Variants in SLC37A2 observed in about 807,000 individuals in gnomAD.
SLC37A2 encodes glucose-6-phosphate exchanger SLC37A2.
Under a neutral mutation model 70.7 loss-of-function variants are expected in SLC37A2, and 59 were observed. The observed-to-expected ratio is 0.83, with a 90% confidence interval of 0.68 to 1.04. The LOEUF is 1.04. Ranked by LOEUF, SLC37A2 falls within the 50% of genes least tolerant of loss-of-function variation. The pLI, the probability that SLC37A2 is intolerant of heterozygous loss-of-function variation, is 0.00. For synonymous variants in SLC37A2, 257 were observed against 262.1 expected, an observed-to-expected ratio of 0.98 and a Z score of 0.19; for missense variants, 580 against 658.1, an observed-to-expected ratio of 0.88 and a Z score of 1.30.
In SLC37A2 at chr11:125,083,298, G is replaced by A. The variant is rs1949169439; in HGVS notation, c.977-517G>A. On this transcript the variant is annotated intron_variant, in intron 10 of 17. Transcript: ENST00000403796. The surrounding 1 kb of genome is among the most constrained non-coding windows in gnomAD (Gnocchi z 4.6). ...TGACTTCAGAGTATGAGGCACCCTC[G>A]AGGGTGGGGCTACAATCTCAGCTTC... 1.3e-5 allele frequency: 2 copies of A among 153,022 alleles called. No individual in the cohort carries two copies. The highest frequency in any genetic ancestry group is 6.5e-5 in the Admixed American group (1 of 15,374). The allele number at this position is 153,022 out of a possible 1,614,324, so 9.5% of individuals were successfully genotyped here.
At position 125,082,265 on chromosome 11, in the gene SLC37A2, T is replaced by C; in HGVS notation, c.907T>C (p.Cys303Arg). 6.2e-7 allele frequency: 1 copy of C among 1,613,976 alleles called. No homozygotes were observed. Among genetic ancestry groups the C allele is most frequent in the Non-Finnish European group, 8.5e-7 (1 of 1,179,928 alleles). The change falls in exon 10 of 18, where the codon TGT becomes CGT. Residue 303 changes from cysteine (C) to arginine (R), a missense_variant. Transcript: ENST00000403796. ...RIPGVVEFSL[C>R]LLFAKLVSYT... Reference sequence around the variant, plus strand: ...CCAGGGCGTGGTCGAGTTCTCTCTGTGTCTGCTGTTTGCCAAGCTGGTCAG... The same window carrying C: ...CCAGGGCGTGGTCGAGTTCTCTCTGCGTCTGCTGTTTGCCAAGCTGGTCAG...
At chr11:125,079,345 C>T (rs567638160) in intron 5 of SLC37A2, 98 bp downstream of exon 5, 2 of 1,489,782 alleles carry the variant, frequency 1.3e-6, no homozygotes, top group South Asian at 2.3e-5. Context: ...GTTCCTGGCT[C>T]CCTGTCCAGT....
At position 125,081,697 on chromosome 11, in the gene SLC37A2, G is replaced by A. The variant is rs761008517; in HGVS notation, c.733-57G>A. 762 of 1,516,772 alleles carry A rather than the reference G, an allele frequency of 5.0e-4. 1 individual carries two copies. Among genetic ancestry groups the A allele is most frequent in the Non-Finnish European group, 6.2e-4 (702 of 1,130,756 alleles). 94.0% of individuals were successfully genotyped at this position (1,516,772 alleles called of 1,614,324 possible). A position where few individuals can be genotyped will look rare whatever the true frequency, so the allele number is the denominator to read the frequency against. ...GTCTCTTGCCTGGGCTGCACCTTCA[G>A]CTGGTGGGAGGCAGCACATGGACGC... On this transcript the variant is annotated intron_variant, in intron 8 of 17. Coordinates refer to ENST00000403796, the MANE Select transcript of SLC37A2 (RefSeq NM_001145290.2).
At chr11:125,066,944 G>A (rs552303630) in intron 1 of SLC37A2, among the ~76,000 whole-genome samples, 17 of 149,146 alleles carry the variant, frequency 1.1e-4, no homozygotes, top group African/African-American at 4.4e-4. Flanking sequence ...ATTAAAGAAG[G>A]AAAGTTGCAG....
At chr11:125,070,942 A>G (rs778975048) in intron 1 of SLC37A2, among the ~76,000 whole-genome samples, 1 of 152,202 alleles carries the variant, frequency 6.6e-6, no homozygotes, top group Non-Finnish European at 1.5e-5. Flanking sequence ...AGGTAGCAGC[A>G]AGGTTTCGAA....
rs1445904793 is a variant in SLC37A2 at position 125,079,773 on chromosome 11, A to G, written c.527+13A>G. The G allele has an allele frequency of 6.3e-7, 1 of 1,596,636 alleles. No individual in the cohort carries two copies. Among genetic ancestry groups the G allele is most frequent in the Non-Finnish European group, 8.6e-7 (1 of 1,168,308 alleles). On this transcript the variant is annotated intron_variant, in intron 6 of 17. Coordinates refer to ENST00000403796, the MANE Select transcript of SLC37A2 (RefSeq NM_001145290.2). ...TCGGGAAGGGGAAGTGAGTGTAACAAGGGAGGAGGAGTGGGAAGGATTGGG... is the reference window on the plus strand; with the variant it reads ...TCGGGAAGGGGAAGTGAGTGTAACAGGGGAGGAGGAGTGGGAAGGATTGGG...
chr11:125,082,449 T>C (rs1949161234), intron 10 of SLC37A2, 115 bp downstream of exon 10: 10 of 883,208 alleles, frequency 1.1e-5, no homozygotes, highest in South Asian at 9.5e-5. Context: ...GCAGAATTCC[T>C]GCTGAACCTC....
At position 125,079,135 on chromosome 11, in the gene SLC37A2, C is replaced by T. The variant is rs573542470; in HGVS notation, c.338C>T (p.Pro113Leu). ...AGTGGGGTTTTTGGGGAGCGGCTTCCGCTCCGTTACTACCTCTCAGCTGGA... is the reference window on the plus strand; with the variant it reads ...AGTGGGGTTTTTGGGGAGCGGCTTCTGCTCCGTTACTACCTCTCAGCTGGA... Reference protein sequence around the residue: ...FISGVFGERLPLRYYLSAGML... With the variant: ...FISGVFGERLLLRYYLSAGML... Residue 113 changes from proline to leucine, a missense_variant, in exon 5 of 18, where the codon CCG becomes CTG. Physicochemically the swap from Pro to Leu is moderately conservative, Grantham distance 98. Transcript: ENST00000403796. The T allele has an allele frequency of 3.4e-5, 55 of 1,614,214 alleles. No homozygotes were observed. Among genetic ancestry groups the T allele is most frequent in the South Asian group, 2.3e-4 (21 of 91,086 alleles).
chr11:125,080,716 G>A lies in SLC37A2; in HGVS notation c.630G>A (p.Ser210=), dbSNP rs372446727. ...GIWVNGQWGL[S]FIVPGIITAV... ...GGGTGAACGGGCAGTGGGGCCTGTC[G>A]TTCATCGTGCCTGGCATCATTACTG... The change falls in exon 7 of 18, where the codon TCG becomes TCA. Residue 210 remains serine (S), a synonymous_variant. Transcript: ENST00000403796. This position sits in a 1 kb window ranked among gnomAD's most constrained non-coding sequence, Gnocchi z 4.3. 56 of 1,572,848 alleles carry A rather than the reference G, an allele frequency of 3.6e-5. 1 individual carries two copies. The highest frequency in any genetic ancestry group is 3.0e-4 in the South Asian group (26 of 85,658).
rs1424881057 is a variant in SLC37A2 at position 125,085,588 on chromosome 11, G to C, written c.1339G>C (p.Gly447Arg). 1.2e-6 allele frequency: 2 copies of C among 1,613,804 alleles called. No homozygotes were observed. The highest frequency in any genetic ancestry group is 1.7e-6 in the Non-Finnish European group (2 of 1,180,010). ...TGTGCTCCATTCAGGTGCGGCTCTG[G>C]GGCCTCTGCTGGCTGGGCTCATCTC... is the stretch of plus-strand genomic sequence containing the variant. ...DGTGSIGAAL[G>R]PLLAGLISPT... Residue 447 changes from glycine (G) to arginine (R), a missense_variant, in exon 16 of 18, where the codon GGG becomes CGG. By Grantham distance (125) the Gly-to-Arg change is moderately radical. Transcript: ENST00000403796.
chr11:125,086,335 T>C (rs1258497801), intron 17 of SLC37A2: 2 of 1,152,484 alleles, frequency 1.7e-6, no homozygotes, highest in Non-Finnish European at 2.6e-6. Context: ...TGTCCTGCAG[T>C]ATGACTTTTT....
In SLC37A2 at chr11:125,088,251, T is replaced by C. The variant is rs1012114775; in HGVS notation, c.*117T>C. On this transcript the variant is annotated 3_prime_UTR_variant, in exon 18 of 18. Transcript: ENST00000403796. ...AAGGCAAACCCTCTTTATTGAACAT[T>C]AGCCAGCCCAGCCCAGACCCCAGGG... 6 of 1,253,332 alleles carry C rather than the reference T, an allele frequency of 4.8e-6. No homozygotes were observed. In the African/African-American group the frequency reaches 7.5e-5, roughly 16 times the overall value. 77.6% of individuals were successfully genotyped at this position (1,253,332 alleles called of 1,614,324 possible). A position where few individuals can be genotyped will look rare whatever the true frequency, so the allele number is the denominator to read the frequency against.
At position 125,081,443 on chromosome 11, in the gene SLC37A2, CCCT is replaced by C. The variant is rs1305515184; in HGVS notation, c.722_724del (p.Pro241del). ...TAGACCCAGAAGATGTGGACTGCGC[CCCT>C]CCTCAGCACCACGTGAGTGTGAGCC... On this transcript the variant is annotated inframe_deletion, in exon 8 of 18. Coordinates refer to ENST00000403796, the MANE Select transcript of SLC37A2 (RefSeq NM_001145290.2). 1 of 1,609,496 alleles carries C rather than the reference CCCT, an allele frequency of 6.2e-7. No homozygotes were observed. Among genetic ancestry groups the C allele is most frequent in the Non-Finnish European group, 8.5e-7 (1 of 1,177,622 alleles).
intron 1 of SLC37A2, among the ~76,000 whole-genome samples, chr11:125,071,247 A>G (rs1179990026): frequency 6.6e-6 from 1 of 152,144 alleles, no homozygotes; most frequent in African/African-American, 2.4e-5. Context: ...CCCTCTAAGC[A>G]GGACTGCAGC....
rs766326409 is a variant in SLC37A2 at position 125,085,438 on chromosome 11, C to T, written c.1292C>T (p.Thr431Met). Residue 431 changes from threonine (T) to methionine (M), a missense_variant, in exon 15 of 18, where the codon ACG (threonine) becomes ATG (methionine). Transcript: ENST00000403796. ...AAGGGCAACGCCAAAGCCCTGTCCA[C>T]GGTCACGGCCATCATTGACGGCACC... ...SLKGNAKALSTVTAIIDGTGS... is the reference protein window; with the variant it reads ...SLKGNAKALSMVTAIIDGTGS... 8 of 1,613,892 alleles carry T rather than the reference C, an allele frequency of 5.0e-6. No individual in the cohort carries two copies. Among genetic ancestry groups the T allele is most frequent in the African/African-American group, 2.7e-5 (2 of 74,924 alleles).
At position 125,081,842 on chromosome 11, in the gene SLC37A2, A is replaced by C. The variant is rs1409716931; in HGVS notation, c.821A>C (p.Lys274Thr). The change falls in exon 9 of 18, where the codon AAA becomes ACA. Residue 274 changes from lysine (K) to threonine (T), a missense_variant. By Grantham distance (78) the Lys-to-Thr change is moderately conservative (BLOSUM62 -1). Coordinates refer to ENST00000403796, the MANE Select transcript of SLC37A2 (RefSeq NM_001145290.2). ...GAGAGCGGCCTTGAGACTGTGGCCA[A>C]ATGCTCCAAGGGGCCATGCGAAGAG... is the stretch of plus-strand genomic sequence containing the variant. ...IRESGLETVA[K>T]CSKGPCEEPA... 3 of 1,613,920 alleles carry C rather than the reference A, an allele frequency of 1.9e-6. No homozygotes were observed. In the African/African-American group the frequency reaches 4.0e-5, roughly 22 times the overall value.
At position 125,080,235 on chromosome 11, in the gene SLC37A2, T is replaced by C. The variant is rs1354976163; in HGVS notation, c.528-379T>C. Among the ~76,000 whole-genome samples, 1 of 152,116 alleles carries C rather than the reference T, an allele frequency of 6.6e-6. No individual in the cohort carries two copies. Among genetic ancestry groups the C allele is most frequent in the South Asian group, 2.1e-4 (1 of 4,834 alleles). On this transcript the variant is annotated intron_variant, in intron 6 of 17. Coordinates refer to ENST00000403796, the MANE Select transcript of SLC37A2 (RefSeq NM_001145290.2). This position sits in a 1 kb window ranked among gnomAD's most constrained non-coding sequence, Gnocchi z 4.3. ...CATAGCACACCCTGAGCTGTGACCA[T>C]GAAAAATCTCTAGCTGTTACCAGAT...
Position 125,086,005 on chromosome 11 carries a change from A to T in SLC37A2, c.1477A>T (p.Ser493Cys), listed in dbSNP as rs748061436. ...KEILAWKVSLSRGSGYKEI is the reference protein window; with the variant it reads ...KEILAWKVSLCRGSGYKEI ...GATCTTGGCCTGGAAGGTGTCCCTG[A>T]GCAGAGGCAGCGGGTGAGTCCGGGG... The change falls in exon 17 of 18, where the codon AGC (serine) becomes TGC (cysteine). Residue 493 changes from serine (S) to cysteine (C), a missense_variant. Ser to Cys is a moderately radical substitution (Grantham distance 112). Coordinates refer to ENST00000403796, the MANE Select transcript of SLC37A2 (RefSeq NM_001145290.2). The T allele has an allele frequency of 6.2e-7, 1 of 1,613,968 alleles. No individual in the cohort carries two copies. The highest frequency in any genetic ancestry group is 8.5e-7 in the Non-Finnish European group (1 of 1,180,012).
Position 125,076,746 on chromosome 11 carries a change from C to T in SLC37A2, c.60-11C>T. 1 of 1,613,798 alleles carries T rather than the reference C, an allele frequency of 6.2e-7. No homozygotes were observed. Among genetic ancestry groups the T allele is most frequent in the Non-Finnish European group, 8.5e-7 (1 of 1,179,730 alleles). Reference sequence around the variant, plus strand: ...ACTTCCCACTAACGCAGATGCTGTCCCTTCCTGCAGGTTCCGAGGCCTCAT... The same window carrying T: ...ACTTCCCACTAACGCAGATGCTGTCTCTTCCTGCAGGTTCCGAGGCCTCAT... On this transcript the variant is annotated splice_polypyrimidine_tract_variant and intron_variant, in intron 1 of 17. Transcript: ENST00000403796.
Sources: allele counts gnomAD v4.1 joint callset (sites outside exome capture counted in the v4.1 genomes callset), GRCh38; gene constraint gnomAD v4.1.1; non-coding constraint Gnocchi (gnomAD v3.1); transcripts MANE v1.5; gene names NCBI Gene and HGNC (gene_info 2026-07-23, HGNC 2026-07-21).